PTPN14: variants seen among roughly 807,000 people sequenced by gnomAD.
The protein encoded by PTPN14 is tyrosine-protein phosphatase non-receptor type 14.
PTPN14 carries 53 observed loss-of-function variants against 126.8 expected under a neutral mutation model. The ratio of observed to expected loss-of-function variants is 0.42; its 90% CI spans 0.34 to 0.53. The LOEUF is 0.53. Ranked by LOEUF, PTPN14 falls within the 20% of genes least tolerant of loss-of-function variation. The pLI is 0.08. For missense variants in PTPN14, 1,257 were observed against 1,552.9 expected (o/e 0.81, Z 3.20); for synonymous variants, 630 against 599.3 (o/e 1.05, Z -0.75).
chr1:214,531,854 T>C (rs1340718709), intron 1 of PTPN14: 1 of 152,202 alleles, frequency 6.6e-6, no homozygotes, highest in Non-Finnish European at 1.5e-5. Flanking sequence ...CAGGTGGTAT[T>C]TTGTATGTAA....
intron 1 of PTPN14, among the ~76,000 whole-genome samples, chr1:214,496,297 T>G (rs1405231920): frequency 6.6e-6 from 1 of 152,130 alleles, no homozygotes; most frequent in Non-Finnish European, 1.5e-5. Flanking sequence ...AAGGTCACAC[T>G]GCGGAACATA....
intron 1 of PTPN14, among the ~76,000 whole-genome samples, chr1:214,490,626 C>T (rs1357517085): frequency 6.6e-6 from 1 of 151,660 alleles, no homozygotes; most frequent in Non-Finnish European, 1.5e-5. Flanking sequence ...CATTTGAGGG[C>T]AGAAGTTCAC....
At chr1:214,481,511 C>CAA (rs371949252) in intron 1 of PTPN14, among the ~76,000 whole-genome samples, 31,109 of 67,396 alleles carry the variant, frequency 0.46, 8,040 homozygotes, top group Admixed American at 0.54. Context: ...AACTCCCGCT[C>CAA]AAAAAAAAAA....
Position 214,419,750 on chromosome 1 carries a change from G to T in PTPN14, c.345-5024C>A, listed in dbSNP as rs866292959. Among the ~76,000 whole-genome samples the T allele has an allele frequency of 7.9e-5, 12 of 152,270 alleles. No individual in the cohort carries two copies. In the South Asian group the frequency reaches 2.5e-3, roughly 32 times the overall value. On this transcript the variant is annotated intron_variant, in intron 3 of 18. Coordinates refer to ENST00000366956, the MANE Select transcript of PTPN14 (RefSeq NM_005401.5). Reference sequence around the variant, plus strand: ...TCCTGGGGTACAGGAGAGCAAAGGGGAATAATTTAAAATCTTAGATTGACA... The same window carrying T: ...TCCTGGGGTACAGGAGAGCAAAGGGTAATAATTTAAAATCTTAGATTGACA...
chr1:214,532,665 T>C, intron 1 of PTPN14: 1 of 849,722 alleles, frequency 1.2e-6, no homozygotes, highest in Non-Finnish European at 2.0e-6. Flanking sequence ...ATCTTGCTGC[T>C]GATGACTTTA....
chr1:214,378,212 C>T, intron 13 of PTPN14, 110 bp from the exon 14 acceptor site: 5 of 1,362,866 alleles, frequency 3.7e-6, no homozygotes, highest in Non-Finnish European at 4.9e-6. Context: ...TGCAGACAAT[C>T]ACCATCAGTA....
At chr1:214,526,532 G>GAAA (rs57563748) in intron 1 of PTPN14, among the ~76,000 whole-genome samples, 26 of 141,458 alleles carry the variant, frequency 1.8e-4, no homozygotes, top group African/African-American at 6.3e-4. Context: ...ATGGTTAAAA[G>GAAA]AAAAAAAAAA....
chr1:214,393,718 G>A lies in PTPN14; in HGVS notation c.906C>T (p.Tyr302=), dbSNP rs1658812838. The A allele has an allele frequency of 6.3e-7, 1 of 1,599,438 alleles. No individual in the cohort carries two copies. The highest frequency in any genetic ancestry group is 1.7e-5 in the Admixed American group (1 of 59,966). ...SRLFATRHKF[Y]KQNKICTEQS... is the part of the protein sequence containing the mutation. ...ACTCAGTGCAGATTTTGTTTTGTTTGTAAAACTTGTGTCGTGTGGCAAACA... is the reference window on the plus strand; with the variant it reads ...ACTCAGTGCAGATTTTGTTTTGTTTATAAAACTTGTGTCGTGTGGCAAACA... The change falls in exon 10 of 19, where the codon TAC becomes TAT. Residue 302 remains tyrosine, a synonymous_variant. Transcript: ENST00000366956.
chr1:214,402,123 G>A (rs984398365), intron 6 of PTPN14, among the ~76,000 whole-genome samples: 3 of 151,186 alleles, frequency 2.0e-5, no homozygotes, highest in Non-Finnish European at 4.4e-5. Flanking sequence ...AAAAAAAAAG[G>A]AAAAAGTTTA....
chr1:214,534,557 C>G lies in PTPN14; in HGVS notation c.-155+16626G>C, dbSNP rs966607698. Among the ~76,000 whole-genome samples the G allele has an allele frequency of 9.7e-4, 148 of 151,888 alleles. 2 individuals carry two copies. The highest frequency in any genetic ancestry group is 2.6e-4 in the Non-Finnish European group (18 of 67,946). ...TGAAACCCCGTCTCTACTAAAAATA[C>G]AAAAAACTAGCCGGGCATGGTGGTG... is the stretch of plus-strand genomic sequence containing the variant. On this transcript the variant is annotated intron_variant, in intron 1 of 18. Transcript: ENST00000366956.
In PTPN14 at chr1:214,372,858, A is replaced by T; in HGVS notation, c.2908-19T>A. ...CCACCACCTAAAAACCAAGAAAAGT[A>T]TCGGTAAATAAACCCCAAGTCCGGA... On this transcript the variant is annotated intron_variant, in intron 15 of 18. Transcript: ENST00000366956. 1 of 1,613,378 alleles carries T rather than the reference A, an allele frequency of 6.2e-7. No individual in the cohort carries two copies. Among genetic ancestry groups the T allele is most frequent in the Admixed American group, 1.7e-5 (1 of 60,000 alleles).
chr1:214,470,917 C>T (rs1464859776), intron 1 of PTPN14, among the ~76,000 whole-genome samples: 8 of 150,546 alleles, frequency 5.3e-5, no homozygotes, highest in African/African-American at 2.0e-4. Context: ...CCCAGCTACT[C>T]GGGAGGCTGA....
rs554667624 is a variant in PTPN14, at chr1:214,546,795, T to C, written c.-155+4388A>G. ...CAAGATGAAACTCTTGACCTGGGCCTAATTTAGCCCCTAAGGAAACTAAGC... is the reference window on the plus strand; with the variant it reads ...CAAGATGAAACTCTTGACCTGGGCCCAATTTAGCCCCTAAGGAAACTAAGC... On this transcript the variant is annotated intron_variant, in intron 1 of 18. Coordinates refer to ENST00000366956, the MANE Select transcript of PTPN14 (RefSeq NM_005401.5). 1.3e-5 allele frequency among the ~76,000 whole-genome samples: 2 copies of C among 152,312 alleles called. 1 individual carries two copies. Among genetic ancestry groups the C allele is most frequent in the South Asian group, 4.1e-4 (2 of 4,830 alleles).
intron 2 of PTPN14, among the ~76,000 whole-genome samples, chr1:214,461,154 A>G (rs1558112867): frequency 6.6e-6 from 1 of 152,138 alleles, no homozygotes; most frequent in Non-Finnish European, 1.5e-5. Flanking sequence ...AAAGTATTAA[A>G]AATTATCTAA....
chr1:214,489,645 C>T (rs536808069), intron 1 of PTPN14, among the ~76,000 whole-genome samples: 108 of 152,322 alleles, frequency 7.1e-4, no homozygotes, highest in Non-Finnish European at 6.9e-4. Context: ...TCCCACTGTG[C>T]CATGCAGTCA....
At chr1:214,496,280 A>C (rs1654506848) in intron 1 of PTPN14, among the ~76,000 whole-genome samples, 1 of 152,190 alleles carries the variant, frequency 6.6e-6, no homozygotes, top group Non-Finnish European at 1.5e-5. Context: ...AAAGTGTTCT[A>C]GAGCAGAAGG....
At chr1:214,409,695 A>T (rs115244398) in intron 5 of PTPN14, among the ~76,000 whole-genome samples, 2,600 of 152,164 alleles carry the variant, frequency 0.017, 84 homozygotes, top group African/African-American at 0.059. Flanking sequence ...CATGCTCAGT[A>T]ACACTTGTTA....
At chr1:214,524,273 T>C (rs73077995) in intron 1 of PTPN14, among the ~76,000 whole-genome samples, 7,271 of 152,160 alleles carry the variant, frequency 0.048, 382 homozygotes, top group African/African-American at 0.13. Flanking sequence ...CAATTCCTCA[T>C]TGCAAGCTGA....
At chr1:214,462,849 C>T (rs562221612) in intron 2 of PTPN14, among the ~76,000 whole-genome samples, 1 of 152,154 alleles carries the variant, frequency 6.6e-6, no homozygotes, top group East Asian at 1.9e-4. Context: ...TTTTCTTTAA[C>T]AAAAAATGGG....
Sources: gnomAD v4.1 joint callset for allele counts (sites outside exome capture counted in the v4.1 genomes callset) on GRCh38, gnomAD v4.1.1 for gene constraint, MANE v1.5 for transcripts, NCBI Gene and HGNC (gene_info 2026-07-23, HGNC 2026-07-21) for gene names.